The following NSMCE1 variants were observed in gnomAD, a reference collection of about 807,000 sequenced individuals.
NSMCE1 encodes non-structural maintenance of chromosomes element 1 homolog.
A neutral mutation model predicts 29.6 loss-of-function variants in NSMCE1; 18 were observed. The observed-to-expected ratio is 0.61, with a 90% CI of 0.42 to 0.90. The LOEUF (loss-of-function observed/expected upper bound fraction) is 0.90. Ranked by LOEUF, NSMCE1 falls within the 40% of genes least tolerant of loss-of-function variation. The pLI, the probability that NSMCE1 is intolerant of heterozygous loss-of-function variation, is 0.00. For synonymous variants in NSMCE1, 124 were observed against 133.4 expected (o/e 0.93, Z 0.49); for missense variants, 314 against 343.6 (o/e 0.91, Z 0.68).
chr16:27,246,433 C>T (rs2083959663), intron 2 of NSMCE1, among the ~76,000 whole-genome samples: 1 of 152,110 alleles, frequency 6.6e-6, no homozygotes. Flanking sequence ...GTCTGGCAAC[C>T]ATAAAATAAG....
chr16:27,257,271 G>T, intron 2 of NSMCE1, 164 bp downstream of exon 2: 1 of 523,558 alleles, frequency 1.9e-6, no homozygotes, highest in South Asian at 4.6e-5. Context: ...AAAAATAAAA[G>T]TGGAAGATGA....
At chr16:27,265,959 C>T (rs2084220353) in intron 1 of NSMCE1, among the ~76,000 whole-genome samples, 2 of 152,174 alleles carry the variant, frequency 1.3e-5, no homozygotes, top group Non-Finnish European at 2.9e-5. Flanking sequence ...AGTGGAGGGT[C>T]TGGCAATCTG....
chr16:27,251,131 G>A (rs552491713), intron 2 of NSMCE1, among the ~76,000 whole-genome samples: 109 of 137,684 alleles, frequency 7.9e-4, no homozygotes, highest in African/African-American at 2.7e-3. Flanking sequence ...GTGAGCTACC[G>A]CGCCCAGCCT....
chr16:27,251,749 G>C (rs565948039), intron 2 of NSMCE1, among the ~76,000 whole-genome samples: 2 of 152,318 alleles, frequency 1.3e-5, no homozygotes, highest in South Asian at 4.1e-4. Flanking sequence ...AGCTGGCATT[G>C]TTTTCTCTAA....
At chr16:27,259,069 T>C (rs1237496277) in intron 1 of NSMCE1, among the ~76,000 whole-genome samples, 1 of 152,114 alleles carries the variant, frequency 6.6e-6, no homozygotes, top group African/African-American at 2.4e-5. Context: ...TTTAACAGCA[T>C]CCTCAACTGG....
At chr16:27,238,250 C>A (rs557300346) in intron 2 of NSMCE1, among the ~76,000 whole-genome samples, 2 of 152,338 alleles carry the variant, frequency 1.3e-5, no homozygotes, top group South Asian at 4.1e-4. Context: ...AACAGCCACA[C>A]ACAGTCTCGC....
chr16:27,227,423 C>T (rs1383265580), intron 5 of NSMCE1, among the ~76,000 whole-genome samples: 1 of 152,240 alleles, frequency 6.6e-6, no homozygotes, highest in Non-Finnish European at 1.5e-5. Context: ...CCAGTGGAAG[C>T]CAGGCCTCCT....
At chr16:27,238,270 C>T (rs2083849445) in intron 2 of NSMCE1, among the ~76,000 whole-genome samples, 1 of 152,180 alleles carries the variant, frequency 6.6e-6, no homozygotes, top group Admixed American at 6.5e-5. Context: ...CCTCCAGCCT[C>T]ACACATGTCC....
intron 6 of NSMCE1, 168 bp downstream of exon 6, chr16:27,226,552 G>A: frequency 1.7e-6 from 1 of 578,906 alleles, no homozygotes; most frequent in South Asian, 2.1e-5. Flanking sequence ...GCACAGCAGG[G>A]AGGCGTCCTG....
chr16:27,248,624 T>C (rs1567280147), intron 2 of NSMCE1, among the ~76,000 whole-genome samples: 1 of 152,004 alleles, frequency 6.6e-6, no homozygotes, highest in African/African-American at 2.4e-5. Flanking sequence ...TTGGTCAGGA[T>C]GATCTCAATC....
intron 2 of NSMCE1, among the ~76,000 whole-genome samples, chr16:27,247,460 G>C (rs1486394988): frequency 1.3e-5 from 2 of 152,122 alleles, no homozygotes; most frequent in African/African-American, 4.8e-5. Context: ...CCAGTTTTGG[G>C]TATGTCTTTA....
At chr16:27,245,137 T>A (rs1255643445) in intron 2 of NSMCE1, among the ~76,000 whole-genome samples, 1 of 152,230 alleles carries the variant, frequency 6.6e-6, no homozygotes, top group Non-Finnish European at 1.5e-5. Flanking sequence ...CCACAAGCAC[T>A]CTGTGCCAGG....
intron 2 of NSMCE1, among the ~76,000 whole-genome samples, chr16:27,242,090 T>C (rs976783845): frequency 1.3e-5 from 2 of 152,224 alleles, no homozygotes; most frequent in African/African-American, 4.8e-5. Flanking sequence ...GCGTTCATCA[T>C]CGGAACTGAG....
At chr16:27,227,670 G>C (rs1181503308) in intron 5 of NSMCE1, among the ~76,000 whole-genome samples, 1 of 152,178 alleles carries the variant, frequency 6.6e-6, no homozygotes, top group East Asian at 1.9e-4. Context: ...ACCACACCAG[G>C]AGATGACGTC....
intron 2 of NSMCE1, among the ~76,000 whole-genome samples, chr16:27,256,308 T>C (rs1223039850): frequency 6.6e-6 from 1 of 152,234 alleles, no homozygotes; most frequent in African/African-American, 2.4e-5. Flanking sequence ...GTTAGGCTAA[T>C]AATGTCACGT....
At chr16:27,225,307 C>T (rs2083676493) in intron 7 of NSMCE1, 71 bp from the exon 8 acceptor site, 1 of 896,566 alleles carries the variant, frequency 1.1e-6, no homozygotes, top group Admixed American at 2.0e-5. Context: ...CAGCTGGAGC[C>T]AGCAGCTACG....
intron 5 of NSMCE1, among the ~76,000 whole-genome samples, chr16:27,228,852 TGGTACCCCACATCCCC>T (rs1372624733): frequency 5.6e-5 from 7 of 124,132 alleles, no homozygotes; most frequent in Non-Finnish European, 1.0e-4. Flanking sequence ...AGATGCATCA[TGGTACCCCACATCCCC>T]GGCCACCGCC....
chr16:27,238,432 C>A (rs532976357), intron 2 of NSMCE1, among the ~76,000 whole-genome samples: 1 of 152,170 alleles, frequency 6.6e-6, no homozygotes, highest in Non-Finnish European at 1.5e-5. Flanking sequence ...TTCCTCATCA[C>A]GTGGCACTCC....
intron 2 of NSMCE1, among the ~76,000 whole-genome samples, chr16:27,239,024 C>A (rs919853008): frequency 6.6e-6 from 1 of 152,144 alleles, no homozygotes; most frequent in Non-Finnish European, 1.5e-5. Flanking sequence ...TGTTTCACCA[C>A]CACACCTGGC....
Sources: allele counts gnomAD v4.1 joint callset (sites outside exome capture counted in the v4.1 genomes callset), GRCh38; gene constraint gnomAD v4.1.1; transcripts MANE v1.5; gene names NCBI Gene and HGNC (gene_info 2026-07-23, HGNC 2026-07-21).